CDKAL1: variants seen among roughly 807,000 people sequenced by gnomAD.
CDKAL1 encodes threonylcarbamoyladenosine tRNA methylthiotransferase.
CDKAL1 carries 32 observed loss-of-function variants against 68.2 expected under a neutral mutation model. The ratio of observed to expected loss-of-function variants is 0.47; its 90% confidence interval spans 0.35 to 0.63. The LOEUF is 0.63. Among genes scored for constraint, CDKAL1 ranks in the 30% least tolerant of loss-of-function variants. The pLI is 0.00. For missense variants in CDKAL1, 606 were observed against 696.7 expected (o/e 0.87, Z 1.47); for synonymous variants, 234 against 244.3 (o/e 0.96, Z 0.39).
chr6:20,762,579 G>T (rs542126646), intron 7 of CDKAL1, among the ~76,000 whole-genome samples: 59 of 152,256 alleles, frequency 3.9e-4, no homozygotes, highest in Non-Finnish European at 7.5e-4. Flanking sequence ...AAATAATGTG[G>T]TTGTTACAGC....
intron 8 of CDKAL1, among the ~76,000 whole-genome samples, chr6:20,787,238 T>C (rs1281445482): frequency 2.6e-5 from 4 of 152,218 alleles, no homozygotes; most frequent in African/African-American, 7.2e-5. Context: ...TTTGAGCTTA[T>C]ATTCTTGAAT....
intron 4 of CDKAL1, among the ~76,000 whole-genome samples, chr6:20,577,161 A>G (rs1764948701): frequency 6.6e-6 from 1 of 152,164 alleles, no homozygotes; most frequent in Admixed American, 6.5e-5. Flanking sequence ...AAGAGCTGTA[A>G]GTGGGGAAGG....
intron 9 of CDKAL1, among the ~76,000 whole-genome samples, chr6:20,888,968 C>A (rs1761235481): frequency 6.6e-6 from 1 of 152,188 alleles, no homozygotes; most frequent in Non-Finnish European, 1.5e-5. Context: ...AATGGTTGAA[C>A]TAGTTTACAG....
At chr6:20,605,637 C>A (rs1468572778) in intron 4 of CDKAL1, among the ~76,000 whole-genome samples, 1 of 152,076 alleles carries the variant, frequency 6.6e-6, no homozygotes, top group Non-Finnish European at 1.5e-5. Flanking sequence ...TACTTGGAAA[C>A]AGGTTGGTTC....
At chr6:20,923,184 G>A (rs1230762505) in intron 9 of CDKAL1, among the ~76,000 whole-genome samples, 3 of 152,162 alleles carry the variant, frequency 2.0e-5, no homozygotes, top group African/African-American at 7.2e-5. Context: ...GCCTCCCAAA[G>A]TGTGGGGGTT....
chr6:20,980,475 G>A (rs1766085891), intron 10 of CDKAL1, among the ~76,000 whole-genome samples: 1 of 151,966 alleles, frequency 6.6e-6, no homozygotes, highest in South Asian at 2.1e-4. Context: ...CTGACCTCGT[G>A]ATCCGCCCGC....
chr6:21,161,289 T>C (rs956511406), intron 13 of CDKAL1, among the ~76,000 whole-genome samples: 1 of 152,206 alleles, frequency 6.6e-6, no homozygotes, highest in African/African-American at 2.4e-5. Context: ...ATACTATGGA[T>C]TGCTGTATTT....
chr6:20,864,975 T>G (rs1196725442), intron 9 of CDKAL1, among the ~76,000 whole-genome samples: 1 of 152,218 alleles, frequency 6.6e-6, no homozygotes, highest in Non-Finnish European at 1.5e-5. Context: ...TAAATACAAT[T>G]CAGGCATTTT....
intron 12 of CDKAL1, among the ~76,000 whole-genome samples, chr6:21,087,149 C>T (rs1332987694): frequency 6.6e-6 from 1 of 152,118 alleles, no homozygotes; most frequent in Non-Finnish European, 1.5e-5. Flanking sequence ...GCTTTGTGCC[C>T]CATACTCTAT....
intron 8 of CDKAL1, among the ~76,000 whole-genome samples, chr6:20,795,932 G>A (rs1171964920): frequency 6.6e-6 from 1 of 152,118 alleles, no homozygotes; most frequent in Non-Finnish European, 1.5e-5. Context: ...AGCTGACTTG[G>A]CCAGTATAAG....
chr6:20,642,491 A>C (rs935990989), intron 4 of CDKAL1, among the ~76,000 whole-genome samples: 1 of 151,212 alleles, frequency 6.6e-6, no homozygotes, highest in Non-Finnish European at 1.5e-5. Context: ...AAAAAAAAAA[A>C]AACACTGCGA....
At chr6:21,209,191 G>A (rs1404990327) in intron 15 of CDKAL1, among the ~76,000 whole-genome samples, 3 of 152,272 alleles carry the variant, frequency 2.0e-5, no homozygotes, top group Non-Finnish European at 4.4e-5. Context: ...ACACGATGAA[G>A]TTCTTTATAC....
chr6:20,974,789 G>A (rs1014911237), intron 10 of CDKAL1, among the ~76,000 whole-genome samples: 2 of 145,906 alleles, frequency 1.4e-5, no homozygotes, highest in African/African-American at 5.1e-5. Context: ...AACCAGACTG[G>A]GCAACATAGC....
At chr6:20,854,130 G>C (rs2150510183) in intron 9 of CDKAL1, among the ~76,000 whole-genome samples, 1 of 152,322 alleles carries the variant, frequency 6.6e-6, no homozygotes, top group East Asian at 1.9e-4. Flanking sequence ...GTTTAGGAGA[G>C]AGAGTAGCAA....
Position 21,224,398 on chromosome 6 carries a change from G to A in CDKAL1, c.1549-6450G>A, listed in dbSNP as rs186114812. 5.3e-5 allele frequency among the ~76,000 whole-genome samples: 8 copies of A among 152,262 alleles called. No individual in the cohort carries two copies. In the East Asian group the frequency reaches 9.7e-4, roughly 18 times the overall value. On this transcript the variant is annotated intron_variant, in intron 15 of 15. Coordinates refer to ENST00000274695, the MANE Select transcript of CDKAL1 (RefSeq NM_017774.3). ...CAAAATTAGCCAGGCGTGGTGACAC[G>A]CGCTACTCGGGAGGCTCAAACAGGA...
intron 12 of CDKAL1, among the ~76,000 whole-genome samples, chr6:21,094,648 A>T (rs1773227796): frequency 6.6e-6 from 1 of 152,244 alleles, no homozygotes; most frequent in Admixed American, 6.5e-5. Context: ...ATTGCCGAGG[A>T]ATTTAAAACA....
At chr6:21,173,169 T>A (rs1483530690) in intron 13 of CDKAL1, among the ~76,000 whole-genome samples, 2 of 152,094 alleles carry the variant, frequency 1.3e-5, no homozygotes, top group East Asian at 3.9e-4. Flanking sequence ...CCAAAAATAC[T>A]CTTGGATGAG....
intron 11 of CDKAL1, among the ~76,000 whole-genome samples, chr6:21,064,690 G>C (rs1418945506): frequency 6.6e-6 from 1 of 152,138 alleles, no homozygotes; most frequent in African/African-American, 2.4e-5. Flanking sequence ...CTTTGGGAGG[G>C]TAAGGATAGA....
At chr6:20,782,982 G>A (rs1775496636) in intron 8 of CDKAL1, among the ~76,000 whole-genome samples, 1 of 151,930 alleles carries the variant, frequency 6.6e-6, no homozygotes, top group South Asian at 2.1e-4. Context: ...CTAGGCTGGA[G>A]TGCAATGGCG....
Sources: allele counts gnomAD v4.1 joint callset (sites outside exome capture counted in the v4.1 genomes callset), GRCh38; gene constraint gnomAD v4.1.1; transcripts MANE v1.5; gene names NCBI Gene and HGNC (gene_info 2026-07-23, HGNC 2026-07-21).